The following MYCN variants were observed in gnomAD, a reference collection of about 807,000 sequenced individuals.
MYCN encodes the protein MYCN proto-oncogene, bHLH transcription factor, also known as N-myc proto-oncogene protein.
Under a neutral mutation model 28.1 loss-of-function variants are expected in MYCN, and 3 were observed. The observed-to-expected ratio is 0.11, with a 90% CI of 0.05 to 0.28. The LOEUF (loss-of-function observed/expected upper bound fraction) is 0.28, where lower values mean the gene tolerates loss of function less well. Among genes scored for constraint, MYCN ranks in the 10% least tolerant of loss-of-function variants. The pLI, the probability that MYCN is intolerant of heterozygous loss-of-function variation, is 1.00. For missense variants in MYCN, 572 were observed against 651.4 expected, an observed-to-expected ratio of 0.88 and a Z score of 1.33; for synonymous variants, 326 against 288.3, an observed-to-expected ratio of 1.13 and a Z score of -1.32.
Position 15,942,768 on chromosome 2 carries a change from C to G in MYCN, c.704C>G (p.Ala235Gly), listed in dbSNP as rs1662740143. The G allele has an allele frequency of 1.4e-6, 2 of 1,448,490 alleles. No individual in the cohort carries two copies. The highest frequency in any genetic ancestry group is 1.4e-5 in the South Asian group (1 of 69,496). The allele number at this position is 1,448,490 out of a possible 1,614,324, so 89.7% of individuals were successfully genotyped here. A position where few individuals can be genotyped will look rare whatever the true frequency, so the allele number is the denominator to read the frequency against. The change falls in exon 2 of 3, where the codon GCC (alanine) becomes GGC (glycine). Residue 235 changes from alanine to glycine, a missense_variant. By Grantham distance (60) the Ala-to-Gly change is moderately conservative. Coordinates refer to ENST00000281043, the MANE Select transcript of MYCN (RefSeq NM_005378.6). This position sits in a 1 kb window ranked among gnomAD's most constrained non-coding sequence, Gnocchi z 7.0. The stretch of plus-strand genomic sequence containing the variant: ...GCCCCAGCCGGGGCCCCGGGGGTCG[C>G]CCCTCCGCGCCCAGGCGGCCGCCAG... Reference protein sequence around the residue: ...IAAPAGAPGVAPPRPGGRQTS... With the variant: ...IAAPAGAPGVGPPRPGGRQTS...
chr2:15,944,123 GTCT>G (rs1662795336), intron 2 of MYCN, among the ~76,000 whole-genome samples: 1 of 152,148 alleles, frequency 6.6e-6, no homozygotes, highest in Non-Finnish European at 1.5e-5. Context: ...TCCAACAGCT[GTCT>G]TCTTGGCAGA....
Position 15,941,678 on chromosome 2 carries a change from A to C in MYCN, c.-117-270A>C. ...CTCCCCCAGGCAGTGCCTTGTGTGA[A>C]TGAAATGGCAGTTTCCAAAGTTGCG... On this transcript the variant is annotated intron_variant, in intron 1 of 2. Coordinates refer to ENST00000281043, the MANE Select transcript of MYCN (RefSeq NM_005378.6). The surrounding 1 kb of genome is among the most constrained non-coding windows in gnomAD (Gnocchi z 4.8). The C allele has an allele frequency of 2.8e-6, 1 of 353,386 alleles. No individual in the cohort carries two copies. The allele number at this position is 353,386 out of a possible 1,614,324, so 21.9% of individuals were successfully genotyped here.
In MYCN at chr2:15,941,831, G is replaced by A. The variant is rs1041500183; in HGVS notation, c.-117-117G>A. 8.3e-6 allele frequency: 5 copies of A among 600,586 alleles called. No homozygotes were observed. In the East Asian group the frequency reaches 1.1e-4, roughly 13 times the overall value. 37.2% of individuals were successfully genotyped at this position (600,586 alleles called of 1,614,324 possible). A position where few individuals can be genotyped will look rare whatever the true frequency, so the allele number is the denominator to read the frequency against. On this transcript the variant is annotated intron_variant, in intron 1 of 2. Transcript: ENST00000281043. This position sits in a 1 kb window ranked among gnomAD's most constrained non-coding sequence, Gnocchi z 4.8. Reference sequence around the variant, plus strand: ...ACTTCCTCCACCTTCGGGAGCAGTGGGCAGAGTGGGGGGCTTGGAGGGAAG... The same window carrying A: ...ACTTCCTCCACCTTCGGGAGCAGTGAGCAGAGTGGGGGGCTTGGAGGGAAG...
At position 15,942,291 on chromosome 2, in the gene MYCN, G is replaced by T. The variant is rs750717149; in HGVS notation, c.227G>T (p.Ser76Ile). 1.2e-6 allele frequency: 2 copies of T among 1,610,922 alleles called. No individual in the cohort carries two copies. Among genetic ancestry groups the T allele is most frequent in the Non-Finnish European group, 1.7e-6 (2 of 1,179,160 alleles). ...GCGGAGCACAGCTCCGAGCCCCCGA[G>T]CTGGGTCACGGAGATGCTGCTTGAG... is the stretch of plus-strand genomic sequence containing the variant. ...GFAEHSSEPPSWVTEMLLENE... is the reference protein window; with the variant it reads ...GFAEHSSEPPIWVTEMLLENE... The change falls in exon 2 of 3, where the codon AGC (serine) becomes ATC (isoleucine). Residue 76 changes from serine to isoleucine, a missense_variant. Transcript: ENST00000281043. This position sits in a 1 kb window ranked among gnomAD's most constrained non-coding sequence, Gnocchi z 7.0.
intron 2 of MYCN, among the ~76,000 whole-genome samples, chr2:15,945,000 G>GTTTTAT (rs373326503): frequency 6.6e-6 from 1 of 150,934 alleles, no homozygotes; most frequent in Admixed American, 6.6e-5. Flanking sequence ...ATGGGGGGTT[G>GTTTTAT]TTTTGTTTTT....
At chr2:15,943,700 G>A (rs1662782863) in intron 2 of MYCN, among the ~76,000 whole-genome samples, 1 of 152,204 alleles carries the variant, frequency 6.6e-6, no homozygotes, top group African/African-American at 2.4e-5. Flanking sequence ...TGAGATGTGA[G>A]TTGTATCTGT....
Position 15,942,965 on chromosome 2 carries a change from C to G in MYCN, c.790+111C>G. ...CCTGGGGAGCATTTTGGAGGCAGTG[C>G]TAGGGGCAGAGAGGTCCTGTTTCCC... On this transcript the variant is annotated intron_variant, in intron 2 of 2. Coordinates refer to ENST00000281043, the MANE Select transcript of MYCN (RefSeq NM_005378.6). This position sits in a 1 kb window ranked among gnomAD's most constrained non-coding sequence, Gnocchi z 7.0. 2.9e-6 allele frequency: 4 copies of G among 1,365,910 alleles called. No homozygotes were observed. The highest frequency in any genetic ancestry group is 3.9e-6 in the Non-Finnish European group (4 of 1,020,200). 84.6% of individuals were successfully genotyped at this position (1,365,910 alleles called of 1,614,324 possible). A position where few individuals can be genotyped will look rare whatever the true frequency, so the allele number is the denominator to read the frequency against.
In MYCN at chr2:15,942,583, C is replaced by A. The variant is rs748728413; in HGVS notation, c.519C>A (p.Ala173=). 81 of 1,067,398 alleles carry A rather than the reference C, an allele frequency of 7.6e-5. No individual in the cohort carries two copies. In the African/African-American group the frequency reaches 1.2e-3, roughly 15 times the overall value. 66.1% of individuals were successfully genotyped at this position (1,067,398 alleles called of 1,614,324 possible). ...GGAAGAGRAG[A]ALPAELAHPA... is the part of the protein sequence containing the mutation. ...CTGCGGGAGCCGGCCGCGCCGGGGC[C>A]GCCCTGCCCGCCGAGCTCGCCCACC... The change falls in exon 2 of 3, where the codon GCC becomes GCA. Residue 173 remains alanine (A), a synonymous_variant. Coordinates refer to ENST00000281043, the MANE Select transcript of MYCN (RefSeq NM_005378.6). This position sits in a 1 kb window ranked among gnomAD's most constrained non-coding sequence, Gnocchi z 7.0.
At chr2:15,944,480 A>T (rs945857547) in intron 2 of MYCN, among the ~76,000 whole-genome samples, 7 of 152,206 alleles carry the variant, frequency 4.6e-5, no homozygotes, top group Non-Finnish European at 8.8e-5. Context: ...TGTTTATTGT[A>T]TAAAACTCAG....
chr2:15,940,874 C>G (rs1662628872), intron 1 of MYCN, 131 bp downstream of exon 1: 3 of 397,560 alleles, frequency 7.5e-6, no homozygotes, highest in Non-Finnish European at 1.3e-5. Flanking sequence ...TTTCTGCTTC[C>G]GAAACAAAAC....
Position 15,945,617 on chromosome 2 carries a change from C to T in MYCN, c.915C>T (p.Asn305=), listed in dbSNP as rs755948961. ...TTFTITVRPK[N]AALGPGRAQS... is the part of the protein sequence containing the mutation. Reference sequence around the variant, plus strand: ...TCACCATCACTGTGCGTCCCAAGAACGCAGCCCTGGGTCCCGGGAGGGCTC... The same window carrying T: ...TCACCATCACTGTGCGTCCCAAGAATGCAGCCCTGGGTCCCGGGAGGGCTC... The change falls in exon 3 of 3, where the codon AAC becomes AAT. Residue 305 remains asparagine (N), a synonymous_variant. Transcript: ENST00000281043. The surrounding 1 kb of genome is among the most constrained non-coding windows in gnomAD (Gnocchi z 4.8). 32 of 1,614,046 alleles carry T rather than the reference C, an allele frequency of 2.0e-5. No individual in the cohort carries two copies. The South Asian group carries it at 2.3e-4, about 12-fold the overall frequency.
intron 2 of MYCN, among the ~76,000 whole-genome samples, chr2:15,944,179 C>A (rs940957515): frequency 6.6e-6 from 1 of 152,152 alleles, no homozygotes; most frequent in Non-Finnish European, 1.5e-5. Context: ...ACTGGAACAG[C>A]CTCACATTTC....
Position 15,942,835 on chromosome 2 carries a change from G to T in MYCN, c.771G>T (p.Glu257Asp). ...ACAAGGCCCTCAGTACCTCCGGAGAGGACACCCTGAGCGATTCAGGTAAAG... is the reference window on the plus strand; with the variant it reads ...ACAAGGCCCTCAGTACCTCCGGAGATGACACCCTGAGCGATTCAGGTAAAG... ...GDHKALSTSG[E>D]DTLSDSDDED... is the part of the protein sequence containing the mutation. Residue 257 changes from glutamate (E) to aspartate (D), a missense_variant, in exon 2 of 3, where the codon GAG becomes GAT. Physicochemically the swap from Glu to Asp is conservative, Grantham distance 45 (BLOSUM62 2). Coordinates refer to ENST00000281043, the MANE Select transcript of MYCN (RefSeq NM_005378.6). The surrounding 1 kb of genome is among the most constrained non-coding windows in gnomAD (Gnocchi z 7.0). 1 of 1,584,602 alleles carries T rather than the reference G, an allele frequency of 6.3e-7. No individual in the cohort carries two copies. The highest frequency in any genetic ancestry group is 8.5e-7 in the Non-Finnish European group (1 of 1,172,770).
rs1057520637 is a variant in MYCN at position 15,945,898 on chromosome 2, C to G, written c.1196C>G (p.Ser399Cys). The change falls in exon 3 of 3, where the codon TCC (serine) becomes TGC (cysteine). Residue 399 changes from serine (S) to cysteine (C), a missense_variant. This residue lies in a region of MYCN where 61 missense variants were observed against 81.6 expected (regional missense o/e 0.75). Coordinates refer to ENST00000281043, the MANE Select transcript of MYCN (RefSeq NM_005378.6). This position sits in a 1 kb window ranked among gnomAD's most constrained non-coding sequence, Gnocchi z 4.8. ...LERQRRNDLRSSFLTLRDHVP... is the reference protein window; with the variant it reads ...LERQRRNDLRCSFLTLRDHVP... ...CGCCAGCGCCGCAACGACCTTCGGTCCAGCTTTCTCACGCTCAGGGACCAC... is the reference window on the plus strand; with the variant it reads ...CGCCAGCGCCGCAACGACCTTCGGTGCAGCTTTCTCACGCTCAGGGACCAC... 1 of 1,614,028 alleles carries G rather than the reference C, an allele frequency of 6.2e-7. No individual in the cohort carries two copies. Among genetic ancestry groups the G allele is most frequent in the African/African-American group, 1.3e-5 (1 of 74,922 alleles).
chr2:15,942,986 T>C lies in MYCN; in HGVS notation c.790+132T>C. On this transcript the variant is annotated intron_variant, in intron 2 of 2. Transcript: ENST00000281043. The surrounding 1 kb of genome is among the most constrained non-coding windows in gnomAD (Gnocchi z 7.0). Reference sequence around the variant, plus strand: ...AGTGCTAGGGGCAGAGAGGTCCTGTTTCCCCCAAGTCTCTCCTCGGGGTAA... The same window carrying C: ...AGTGCTAGGGGCAGAGAGGTCCTGTCTCCCCCAAGTCTCTCCTCGGGGTAA... The C allele has an allele frequency of 8.6e-7, 1 of 1,166,258 alleles. No individual in the cohort carries two copies. The highest frequency in any genetic ancestry group is 1.1e-6 in the Non-Finnish European group (1 of 871,474). The allele number at this position is 1,166,258 out of a possible 1,614,324, so 72.2% of individuals were successfully genotyped here. A position where few individuals can be genotyped will look rare whatever the true frequency, so the allele number is the denominator to read the frequency against.
At position 15,940,650 on chromosome 2, in the gene MYCN, C is replaced by G. The variant is rs887665529; in HGVS notation, c.-211C>G. 1 of 400,270 alleles carries G rather than the reference C, an allele frequency of 2.5e-6. No homozygotes were observed. Among genetic ancestry groups the G allele is most frequent in the Non-Finnish European group, 4.4e-6 (1 of 226,254 alleles). The allele number at this position is 400,270 out of a possible 1,614,324, so 24.8% of individuals were successfully genotyped here. A position where few individuals can be genotyped will look rare whatever the true frequency, so the allele number is the denominator to read the frequency against. ...AGCGCTAGCCAGGCGCAAGCGCGCA[C>G]AGACTGTAGCCATCCGAGGACACCC... is the stretch of plus-strand genomic sequence containing the variant. On this transcript the variant is annotated 5_prime_UTR_variant, in exon 1 of 3. Coordinates refer to ENST00000281043, the MANE Select transcript of MYCN (RefSeq NM_005378.6).
Position 15,941,783 on chromosome 2 carries a change from G to A in MYCN, c.-117-165G>A. Reference sequence around the variant, plus strand: ...ACAGCTTGTACACAAAAGGAGGGCGGGAGGGAGGGAGCGAGAGGCACAACT... The same window carrying A: ...ACAGCTTGTACACAAAAGGAGGGCGAGAGGGAGGGAGCGAGAGGCACAACT... On this transcript the variant is annotated intron_variant, in intron 1 of 2. Transcript: ENST00000281043. The surrounding 1 kb of genome is among the most constrained non-coding windows in gnomAD (Gnocchi z 4.8). 3.5e-6 allele frequency: 2 copies of A among 569,080 alleles called. No individual in the cohort carries two copies. The highest frequency in any genetic ancestry group is 6.3e-6 in the Non-Finnish European group (2 of 316,676). The allele number at this position is 569,080 out of a possible 1,614,324, so 35.3% of individuals were successfully genotyped here.
In MYCN at chr2:15,946,973, A is replaced by G; in HGVS notation, c.*876A>G. On this transcript the variant is annotated 3_prime_UTR_variant, in exon 3 of 3. Transcript: ENST00000281043. ...ATCTTATAGCACTTTGAAATACCTC[A>G]TGTTTATGAAAATAAATAGCTTAAA... The G allele has an allele frequency of 5.0e-6, 1 of 199,954 alleles. No individual in the cohort carries two copies. Among genetic ancestry groups the G allele is most frequent in the Non-Finnish European group, 1.0e-5 (1 of 96,618 alleles). The allele number at this position is 199,954 out of a possible 1,614,324, so 12.4% of individuals were successfully genotyped here. A position where few individuals can be genotyped will look rare whatever the true frequency, so the allele number is the denominator to read the frequency against.
At position 15,946,142 on chromosome 2, in the gene MYCN, A is replaced by AT. The variant is rs763183120; in HGVS notation, c.*55dup. 7.1e-4 allele frequency: 1,104 copies of AT among 1,560,244 alleles called. 1 individual carries two copies. The highest frequency in any genetic ancestry group is 6.1e-3 in the African/African-American group (448 of 73,480). Reference sequence around the variant, plus strand: ...AGTCACTGCCACTTTGCACATTTTGATTTTTTTTTTAAACAAACATTGTGT... The same window carrying AT: ...AGTCACTGCCACTTTGCACATTTTGATTTTTTTTTTTAAACAAACATTGTGT... On this transcript the variant is annotated 3_prime_UTR_variant, in exon 3 of 3. Transcript: ENST00000281043.
Sources: gnomAD v4.1 joint callset for allele counts (sites outside exome capture counted in the v4.1 genomes callset) on GRCh38, gnomAD v4.1.1 for gene constraint, gnomAD v4.1.1 regional missense constraint, Gnocchi (gnomAD v3.1) non-coding constraint, MANE v1.5 for transcripts, NCBI Gene and HGNC (gene_info 2026-07-23, HGNC 2026-07-21) for gene names.